CDADC1: variants seen among roughly 807,000 people sequenced by gnomAD.
The protein encoded by CDADC1 is dCTP deaminase.
CDADC1 carries 39 observed loss-of-function variants against 54.9 expected under a neutral mutation model. The ratio of observed to expected loss-of-function variants is 0.71; its 90% CI spans 0.55 to 0.93. The LOEUF (loss-of-function observed/expected upper bound fraction) is 0.93. Ranked by LOEUF, CDADC1 falls within the 40% of genes least tolerant of loss-of-function variation. The probability of loss-of-function intolerance (pLI) is 0.00; values close to 1 mark genes in which losing one functional copy is unlikely to be tolerated. For synonymous variants in CDADC1, 186 were observed against 204.0 expected, an observed-to-expected ratio of 0.91 and a Z score of 0.75; for missense variants, 518 against 618.8, an observed-to-expected ratio of 0.84 and a Z score of 1.73.
intron 8 of CDADC1, among the ~76,000 whole-genome samples, chr13:49,281,921 C>T (rs919102398): frequency 2.4e-5 from 3 of 123,868 alleles, no homozygotes; most frequent in Non-Finnish European, 5.1e-5. Context: ...CTACCCCCAC[C>T]CCCCTCCCCC....
At chr13:49,259,238 A>G (rs1483366358) in intron 3 of CDADC1, 108 bp from the exon 4 acceptor site, 21 of 802,078 alleles carry the variant, frequency 2.6e-5, no homozygotes, top group Non-Finnish European at 3.9e-5. Context: ...CTCTGTTTAG[A>G]TAAAGAATTA....
chr13:49,287,652 T>C (rs1163153413), intron 9 of CDADC1, among the ~76,000 whole-genome samples: 1 of 152,122 alleles, frequency 6.6e-6, no homozygotes, highest in Non-Finnish European at 1.5e-5. Flanking sequence ...TTATCTATGC[T>C]ACAATGAAGA....
At chr13:49,289,614 A>G (rs1953640543) in intron 9 of CDADC1, among the ~76,000 whole-genome samples, 1 of 152,240 alleles carries the variant, frequency 6.6e-6, no homozygotes, top group South Asian at 2.1e-4. Context: ...ACCATATAGC[A>G]GTGAAAACAA....
intron 4 of CDADC1, among the ~76,000 whole-genome samples, chr13:49,263,749 A>T (rs1052864230): frequency 1.2e-4 from 18 of 149,468 alleles, no homozygotes; most frequent in Admixed American, 1.1e-3. Flanking sequence ...ATTAAGCCAA[A>T]TTTTTTTTTT....
At chr13:49,261,996 G>C (rs946875529) in intron 4 of CDADC1, among the ~76,000 whole-genome samples, 1 of 152,138 alleles carries the variant, frequency 6.6e-6, no homozygotes, top group Non-Finnish European at 1.5e-5. Context: ...CTTAGGAAGG[G>C]GGCATGGTTG....
At chr13:49,288,994 T>A (rs941510966) in intron 9 of CDADC1, among the ~76,000 whole-genome samples, 1 of 152,064 alleles carries the variant, frequency 6.6e-6, no homozygotes. Flanking sequence ...TGAGATCAGG[T>A]CTGGGTCTGC....
chr13:49,278,564 G>T, intron 7 of CDADC1, 45 bp downstream of exon 7: 3 of 1,285,616 alleles, frequency 2.3e-6, no homozygotes, highest in South Asian at 1.7e-5. Flanking sequence ...ATGTAGCAAG[G>T]GTTGGTTGAA....
chr13:49,282,236 G>GT (rs759792512), intron 8 of CDADC1, among the ~76,000 whole-genome samples: 3,159 of 94,096 alleles, frequency 0.034, 222 homozygotes, highest in African/African-American at 0.11. Context: ...GTTTTTGTGG[G>GT]TTTTTTTTTT....
At chr13:49,289,606 C>T (rs1326665514) in intron 9 of CDADC1, among the ~76,000 whole-genome samples, 1 of 152,094 alleles carries the variant, frequency 6.6e-6, no homozygotes, top group Non-Finnish European at 1.5e-5. Flanking sequence ...AATGGACTAC[C>T]ATATAGCAGT....
intron 2 of CDADC1, among the ~76,000 whole-genome samples, chr13:49,251,150 C>G (rs1286471650): frequency 1.3e-5 from 2 of 152,066 alleles, no homozygotes; most frequent in African/African-American, 4.8e-5. Context: ...TGGCTCATGC[C>G]TGTAATCCCA....
intron 5 of CDADC1, among the ~76,000 whole-genome samples, chr13:49,268,497 A>T (rs559836538): frequency 2.8e-4 from 43 of 152,058 alleles, no homozygotes; most frequent in Non-Finnish European, 5.4e-4. Context: ...CTCGACTCTA[A>T]CAAAAAAATT....
At chr13:49,262,006 G>C (rs1952697123) in intron 4 of CDADC1, among the ~76,000 whole-genome samples, 1 of 152,176 alleles carries the variant, frequency 6.6e-6, no homozygotes, top group South Asian at 2.1e-4. Context: ...GGGCATGGTT[G>C]AACCCCATGC....
intron 6 of CDADC1, among the ~76,000 whole-genome samples, chr13:49,275,886 A>G (rs1216735284): frequency 6.7e-6 from 1 of 149,902 alleles, no homozygotes; most frequent in African/African-American, 2.5e-5. Flanking sequence ...CTCCTGTCTC[A>G]GCCTCCCCAG....
chr13:49,247,949 T>G lies in CDADC1; in HGVS notation c.-89T>G. The stretch of plus-strand genomic sequence containing the variant: ...TAGTGGGCCGTTGCCTTACAGTTGC[T>G]GAGAGGAGGCGAGAGGCGGGGGCGC... On this transcript the variant is annotated 5_prime_UTR_variant, in exon 1 of 10. Transcript: ENST00000251108. 1 of 1,217,142 alleles carries G rather than the reference T, an allele frequency of 8.2e-7. No homozygotes were observed. The highest frequency in any genetic ancestry group is 1.2e-6 in the Non-Finnish European group (1 of 844,436). The allele number at this position is 1,217,142 out of a possible 1,614,324, so 75.4% of individuals were successfully genotyped here. A position where few individuals can be genotyped will look rare whatever the true frequency, so the allele number is the denominator to read the frequency against.
intron 9 of CDADC1, among the ~76,000 whole-genome samples, chr13:49,290,097 ATACAG>A (rs1286230320): frequency 5.9e-5 from 9 of 151,876 alleles, no homozygotes; most frequent in Admixed American, 1.3e-4. Context: ...TATATAGTAT[ATACAG>A]TAAAGTTATT....
chr13:49,256,334 A>G (rs1487155316), intron 3 of CDADC1, among the ~76,000 whole-genome samples: 1 of 152,138 alleles, frequency 6.6e-6, no homozygotes, highest in Non-Finnish European at 1.5e-5. Context: ...ACAAAAAGCA[A>G]TCTGGCTTAC....
intron 5 of CDADC1, among the ~76,000 whole-genome samples, chr13:49,272,657 CTTTTTTT>C (rs1191602451): frequency 1.5e-5 from 2 of 133,034 alleles, no homozygotes; most frequent in African/African-American, 2.8e-5. Context: ...ATTTCTTTTT[CTTTTTTT>C]TTTTTTTTTT....
Position 49,262,710 on chromosome 13 carries a change from T to C in CDADC1, c.430+3187T>C, listed in dbSNP as rs148851447. ...CATGCCCGGCTAATTTTTGTATTTT[T>C]AGTAGAGACAAGGCTTCACCATGTT... On this transcript the variant is annotated intron_variant, in intron 4 of 9. Transcript: ENST00000251108. 2.0e-3 allele frequency among the ~76,000 whole-genome samples: 311 copies of C among 152,158 alleles called. 1 individual carries two copies. The highest frequency in any genetic ancestry group is 7.2e-3 in the African/African-American group (298 of 41,476).
At chr13:49,274,399 G>A in intron 6 of CDADC1, 59 bp downstream of exon 6, 1 of 1,380,706 alleles carries the variant, frequency 7.2e-7, no homozygotes, top group Non-Finnish European at 1.0e-6. Flanking sequence ...ACATAGTTCA[G>A]TCTTCGGTGC....
Sources: allele counts gnomAD v4.1 joint callset (sites outside exome capture counted in the v4.1 genomes callset), GRCh38; gene constraint gnomAD v4.1.1; transcripts MANE v1.5; gene names NCBI Gene and HGNC (gene_info 2026-07-23, HGNC 2026-07-21).